Variants in COG4 observed in about 807,000 individuals in gnomAD.
The protein encoded by COG4 is conserved oligomeric Golgi complex subunit 4.
A neutral mutation model predicts 95.1 loss-of-function variants in COG4; 65 were observed. That is an observed-to-expected ratio of 0.68 (90% confidence interval 0.56 to 0.84). The LOEUF is 0.84. Among genes scored for constraint, COG4 ranks in the 40% least tolerant of loss-of-function variants. COG4 has a pLI of 0.00. For synonymous variants in COG4, 421 were observed against 374.8 expected, an observed-to-expected ratio of 1.12 and a Z score of -1.42; for missense variants, 1,045 against 989.1, an observed-to-expected ratio of 1.06 and a Z score of -0.76.
chr16:70,501,151 A>G, intron 8 of COG4, 60 bp from the exon 9 acceptor site: 2 of 1,591,570 alleles, frequency 1.3e-6, no homozygotes, highest in Non-Finnish European at 1.7e-6. Flanking sequence ...CACAAGAGCT[A>G]CAGGGCAAAG....
At chr16:70,505,768 G>A (rs1490164513) in intron 8 of COG4, among the ~76,000 whole-genome samples, 1 of 151,872 alleles carries the variant, frequency 6.6e-6, no homozygotes, top group Non-Finnish European at 1.5e-5. Context: ...GGTGGAGCTT[G>A]CAGTGAGCCG....
At chr16:70,492,189 T>C (rs1323571942) in intron 12 of COG4, among the ~76,000 whole-genome samples, 2 of 152,192 alleles carry the variant, frequency 1.3e-5, no homozygotes, top group Non-Finnish European at 2.9e-5. Context: ...GGAAGCTCCA[T>C]ACCCCTTCCC....
intron 7 of COG4, 72 bp from the exon 8 acceptor site, chr16:70,508,536 A>G: frequency 7.4e-7 from 1 of 1,347,986 alleles, no homozygotes; most frequent in Non-Finnish European, 1.1e-6. Context: ...TGGTCACTCC[A>G]AACTTTTGGC....
At chr16:70,494,934 G>T (rs1418364345) in intron 12 of COG4, among the ~76,000 whole-genome samples, 1 of 152,092 alleles carries the variant, frequency 6.6e-6, no homozygotes, top group Non-Finnish European at 1.5e-5. Context: ...TATTTTCTAT[G>T]ACAGGAAGAG....
intron 4 of COG4, among the ~76,000 whole-genome samples, chr16:70,512,908 G>A (rs2049741520): frequency 6.6e-6 from 1 of 152,224 alleles, no homozygotes; most frequent in Admixed American, 6.5e-5. Flanking sequence ...AACCTGGGAG[G>A]CAGAGGTTGC....
intron 3 of COG4, among the ~76,000 whole-genome samples, chr16:70,515,026 TTC>T (rs2049793754): frequency 6.6e-6 from 1 of 150,762 alleles, no homozygotes; most frequent in African/African-American, 2.5e-5. Flanking sequence ...TTTTTTTTTT[TTC>T]TTCTTGAGAC....
chr16:70,510,419 CTCAAGTGA>C (rs1371687282), intron 5 of COG4, among the ~76,000 whole-genome samples: 1 of 152,180 alleles, frequency 6.6e-6, no homozygotes, highest in African/African-American at 2.4e-5. Flanking sequence ...AACTCCTGGA[CTCAAGTGA>C]TCCTCTCACC....
At chr16:70,515,274 G>A (rs58142695) in intron 3 of COG4, among the ~76,000 whole-genome samples, 18,249 of 151,912 alleles carry the variant, frequency 0.12, 3,627 homozygotes, top group African/African-American at 0.41. Flanking sequence ...CATTCTCCTC[G>A]GCCTCCCAAA....
At chr16:70,508,266 G>T in intron 8 of COG4, 140 bp downstream of exon 8, 2 of 763,982 alleles carry the variant, frequency 2.6e-6, no homozygotes, top group Non-Finnish European at 4.6e-6. Flanking sequence ...TTGTTCATAT[G>T]ATACATTGCA....
intron 16 of COG4, 65 bp downstream of exon 16, chr16:70,482,027 T>C: frequency 2.1e-6 from 3 of 1,436,440 alleles, no homozygotes; most frequent in Non-Finnish European, 2.9e-6. Flanking sequence ...GATGAGACCC[T>C]GCAGGCTGCT....
chr16:70,517,270 C>A (rs1350723288), intron 3 of COG4, among the ~76,000 whole-genome samples: 1 of 152,004 alleles, frequency 6.6e-6, no homozygotes, highest in Non-Finnish European at 1.5e-5. Flanking sequence ...GTGGTTCACA[C>A]CTGTAATCCC....
chr16:70,490,416 G>T (rs1280846198), intron 12 of COG4, 24 bp from the exon 13 acceptor site: 7 of 1,600,972 alleles, frequency 4.4e-6, no homozygotes, highest in African/African-American at 1.3e-5. Context: ...AAGGAAGAAC[G>T]TGACTTCCTG....
chr16:70,501,019 C>G lies in COG4; in HGVS notation c.1134G>C (p.Lys378Asn), dbSNP rs377039295. ...CCTCAAAATCAGAGCTAATCCTCTT[C>G]TTGAGGAAGCGTAAGTATAGCTCAC... Reference protein sequence around the residue: ...ARSELYLRFLKKRISSDFEVG... With the variant: ...ARSELYLRFLNKRISSDFEVG... The change falls in exon 9 of 19, where the codon AAG becomes AAC. Residue 378 changes from lysine to asparagine, a missense_variant. Lys to Asn is a moderately conservative substitution (Grantham distance 94). Coordinates refer to ENST00000323786, the MANE Select transcript of COG4 (RefSeq NM_015386.3). The G allele has an allele frequency of 5.0e-6, 8 of 1,613,966 alleles. No homozygotes were observed. In the African/African-American group the frequency reaches 8.0e-5, roughly 16 times the overall value.
In COG4 at chr16:70,519,724, A is replaced by G. The variant is rs1276251505; in HGVS notation, c.179T>C (p.Val60Ala). Residue 60 changes from valine to alanine, a missense_variant, in exon 2 of 19, where the codon GTG becomes GCG. Transcript: ENST00000323786. ...YERLCGEEKV[V>A]ERELDALLEQ... ...CAAAAGAGCATCCAGCTCTCTCTCC[A>G]CCACTTTCTGAAACACAGAGAAACA... is the stretch of plus-strand genomic sequence containing the variant. The G allele has an allele frequency of 1.9e-6, 3 of 1,612,772 alleles. No individual in the cohort carries two copies. Among genetic ancestry groups the G allele is most frequent in the Non-Finnish European group, 2.5e-6 (3 of 1,179,060 alleles).
At chr16:70,521,099 G>T (rs2049932727) in intron 1 of COG4, among the ~76,000 whole-genome samples, 1 of 151,994 alleles carries the variant, frequency 6.6e-6, no homozygotes. Flanking sequence ...TGCCCAGGCT[G>T]GTCCCCAACT....
At chr16:70,505,935 C>A (rs1025146164) in intron 8 of COG4, among the ~76,000 whole-genome samples, 1 of 150,494 alleles carries the variant, frequency 6.6e-6, no homozygotes, top group East Asian at 2.0e-4. Flanking sequence ...CACTTGAGAT[C>A]TGGGGTTCAA....
rs373712568 is a variant in COG4, at chr16:70,513,810, A to C, written c.544+525T>G. On this transcript the variant is annotated intron_variant, in intron 4 of 18. Transcript: ENST00000323786. ...GTTGACCATGAATAACTGAAGCTGC[A>C]GGTAACTGAAATGGCAGAAAGTGAA... Among the ~76,000 whole-genome samples, 18 of 152,340 alleles carry C rather than the reference A, an allele frequency of 1.2e-4. 2 individuals carry two copies. The highest frequency in any genetic ancestry group is 3.8e-4 in the African/African-American group (16 of 41,578).
At chr16:70,513,522 A>C (rs1254825065) in intron 4 of COG4, among the ~76,000 whole-genome samples, 3 of 152,208 alleles carry the variant, frequency 2.0e-5, no homozygotes, top group Non-Finnish European at 4.4e-5. Context: ...ATACATACAT[A>C]CCTACGATAA....
intron 8 of COG4, 108 bp from the exon 9 acceptor site, chr16:70,501,199 G>T (rs1234673954): frequency 7.9e-7 from 1 of 1,262,000 alleles, no homozygotes; most frequent in African/African-American, 1.5e-5. Context: ...GGCCCATAAG[G>T]AAAAGCTCTG....
Sources: allele counts gnomAD v4.1 joint callset (sites outside exome capture counted in the v4.1 genomes callset), GRCh38; gene constraint gnomAD v4.1.1; transcripts MANE v1.5; gene names NCBI Gene and HGNC (gene_info 2026-07-23, HGNC 2026-07-21).